Variants in MAN2A1 observed in about 807,000 individuals in gnomAD.
The protein encoded by MAN2A1 is alpha-mannosidase 2.
In MAN2A1, 76 loss-of-function variants were observed where a neutral mutation model predicts 142.6. The ratio of observed to expected loss-of-function variants is 0.53; its 90% CI spans 0.44 to 0.65. The LOEUF (loss-of-function observed/expected upper bound fraction) is 0.65, where lower values mean the gene tolerates loss of function less well. Ranked by LOEUF, MAN2A1 falls within the 30% of genes least tolerant of loss-of-function variation. The pLI is 0.00. For synonymous variants in MAN2A1, 559 were observed against 473.2 expected (o/e 1.18, Z -2.35); for missense variants, 1,311 against 1,365.1 (o/e 0.96, Z 0.62).
intron 1 of MAN2A1, among the ~76,000 whole-genome samples, chr5:109,704,431 A>G (rs577308156): frequency 3.3e-5 from 5 of 152,320 alleles, no homozygotes; most frequent in Admixed American, 1.3e-4. Context: ...TTTGGAAGAA[A>G]TTCAGGCATG....
At chr5:109,700,281 G>GTT (rs5870385) in intron 1 of MAN2A1, among the ~76,000 whole-genome samples, 1 of 131,434 alleles carries the variant, frequency 7.6e-6, no homozygotes. Context: ...AGTTTTGCCG[G>GTT]TTTTTTTTTT....
intron 8 of MAN2A1, among the ~76,000 whole-genome samples, chr5:109,780,763 GT>G (rs892864631): frequency 2.6e-4 from 39 of 152,132 alleles, no homozygotes; most frequent in African/African-American, 9.2e-4. Context: ...AAAGACCGGT[GT>G]GTTTAAGCAG....
rs763896607 is a variant in MAN2A1 at position 109,729,435 on chromosome 5, A to G, written c.629A>G (p.Lys210Arg). 17 of 1,602,456 alleles carry G rather than the reference A, an allele frequency of 1.1e-5. No homozygotes were observed. The Admixed American group carries it at 2.7e-4, about 26-fold the overall frequency. The change falls in exon 4 of 22, where the codon AAG becomes AGG. Residue 210 changes from lysine to arginine, a missense_variant. Around this residue, in one of 3 missense-constraint regions of MAN2A1, gnomAD observed 409 missense variants for 412.7 expected, o/e 0.99. Transcript: ENST00000261483. ...VLKLKEDSRR[K>R]FIWSEISYLS... is the part of the protein sequence containing the mutation. ...AAGCTGAAAGAAGACTCACGGAGGA[A>G]GTTTATTTGGTCTGAGATCTCTTAC... is the stretch of plus-strand genomic sequence containing the variant.
At chr5:109,711,447 A>G (rs1264628908) in intron 1 of MAN2A1, among the ~76,000 whole-genome samples, 1 of 67,178 alleles carries the variant, frequency 1.5e-5, no homozygotes, top group Admixed American at 1.3e-4. Context: ...AGATTCATCA[A>G]CTGTACCTGA....
At chr5:109,712,570 A>G (rs1751331963) in intron 1 of MAN2A1, among the ~76,000 whole-genome samples, 1 of 151,298 alleles carries the variant, frequency 6.6e-6, no homozygotes, top group African/African-American at 2.4e-5. Context: ...TTTCCTGGTA[A>G]TGAGTATCCA....
At chr5:109,752,438 G>A (rs1355832393) in intron 4 of MAN2A1, among the ~76,000 whole-genome samples, 1 of 152,200 alleles carries the variant, frequency 6.6e-6, no homozygotes, top group African/African-American at 2.4e-5. Flanking sequence ...AAGCTTCTGA[G>A]TGCCGGACGT....
intron 16 of MAN2A1, among the ~76,000 whole-genome samples, chr5:109,833,555 A>C (rs1341090558): frequency 6.6e-6 from 1 of 152,092 alleles, no homozygotes; most frequent in African/African-American, 2.4e-5. Context: ...CTGCAATCCC[A>C]GGCACTCGGC....
intron 4 of MAN2A1, among the ~76,000 whole-genome samples, chr5:109,751,689 G>A (rs572601730): frequency 1.3e-5 from 2 of 151,938 alleles, no homozygotes; most frequent in African/African-American, 4.8e-5. Context: ...AGTTATGGTA[G>A]CTTTTTAATG....
intron 16 of MAN2A1, among the ~76,000 whole-genome samples, chr5:109,836,406 G>A (rs1271526719): frequency 6.6e-6 from 1 of 151,162 alleles, no homozygotes; most frequent in Non-Finnish European, 1.5e-5. Flanking sequence ...ATGAGCCACC[G>A]CACCGGCATG....
chr5:109,704,262 C>G (rs956000300), intron 1 of MAN2A1, among the ~76,000 whole-genome samples: 6 of 152,160 alleles, frequency 3.9e-5, no homozygotes, highest in Non-Finnish European at 4.4e-5. Context: ...CATACCTAGG[C>G]AGGTGTGAGA....
At chr5:109,841,039 CAGAA>C (rs1755189772) in intron 16 of MAN2A1, among the ~76,000 whole-genome samples, 1 of 152,164 alleles carries the variant, frequency 6.6e-6, no homozygotes, top group Non-Finnish European at 1.5e-5. Flanking sequence ...TTCTGAACCT[CAGAA>C]AGCGTCAGCT....
chr5:109,767,271 T>C (rs1164362648), intron 5 of MAN2A1, among the ~76,000 whole-genome samples: 7 of 152,138 alleles, frequency 4.6e-5, no homozygotes, highest in African/African-American at 1.7e-4. Context: ...GTAAAAGATG[T>C]TAATGGCTAA....
At chr5:109,844,471 G>C (rs1275416099) in intron 17 of MAN2A1, among the ~76,000 whole-genome samples, 1 of 151,562 alleles carries the variant, frequency 6.6e-6, no homozygotes, top group Admixed American at 6.6e-5. Context: ...TTTTAAGGTA[G>C]CTTTACTTTT....
chr5:109,772,127 G>T (rs1347810312), intron 7 of MAN2A1, among the ~76,000 whole-genome samples: 2 of 152,134 alleles, frequency 1.3e-5, no homozygotes, highest in Non-Finnish European at 1.5e-5. Context: ...GGGCGCAGTG[G>T]CCCATGCCTG....
At chr5:109,701,722 A>C (rs924873805) in intron 1 of MAN2A1, among the ~76,000 whole-genome samples, 1 of 152,204 alleles carries the variant, frequency 6.6e-6, no homozygotes, top group Non-Finnish European at 1.5e-5. Flanking sequence ...GGGAGGATGA[A>C]AAATGTGGAG....
intron 4 of MAN2A1, among the ~76,000 whole-genome samples, chr5:109,734,553 A>C (rs961127396): frequency 1.3e-5 from 2 of 152,076 alleles, no homozygotes; most frequent in African/African-American, 2.4e-5. Context: ...TGTGTCCCAG[A>C]GATTCTGGTA....
chr5:109,800,809 T>G (rs1754008404), intron 12 of MAN2A1, among the ~76,000 whole-genome samples: 1 of 151,950 alleles, frequency 6.6e-6, no homozygotes, highest in Non-Finnish European at 1.5e-5. Context: ...GAAGAAGTGC[T>G]TGGTACATAG....
intron 4 of MAN2A1, among the ~76,000 whole-genome samples, chr5:109,735,814 GA>G (rs1425339198): frequency 2.0e-5 from 3 of 148,050 alleles, no homozygotes; most frequent in Non-Finnish European, 4.5e-5. Context: ...GGATTTTGAT[GA>G]AAATTGATGT....
chr5:109,834,974 T>G (rs1374819755), intron 16 of MAN2A1, among the ~76,000 whole-genome samples: 1 of 149,282 alleles, frequency 6.7e-6, no homozygotes, highest in East Asian at 1.9e-4. Flanking sequence ...ATAAGTACAG[T>G]TTTTTTTTTA....
Sources: allele counts gnomAD v4.1 joint callset (sites outside exome capture counted in the v4.1 genomes callset), GRCh38; gene constraint gnomAD v4.1.1; regional missense constraint gnomAD v4.1.1; transcripts MANE v1.5; gene names NCBI Gene and HGNC (gene_info 2026-07-23, HGNC 2026-07-21).